CNTN5: variants seen among roughly 807,000 people sequenced by gnomAD.
The protein encoded by CNTN5 is contactin 5, also known as contactin-5.
Under a neutral mutation model 129.1 loss-of-function variants are expected in CNTN5, and 77 were observed. The observed-to-expected ratio is 0.60, with a 90% CI of 0.50 to 0.72. The LOEUF is 0.72. Ranked by LOEUF, CNTN5 falls within the 30% of genes least tolerant of loss-of-function variation. The probability of loss-of-function intolerance (pLI) is 0.00; values close to 1 mark genes in which losing one functional copy is unlikely to be tolerated. For synonymous variants in CNTN5, 509 were observed against 465.6 expected (o/e 1.09, Z -1.20); for missense variants, 1,478 against 1,328.8 (o/e 1.11, Z -1.75).
chr11:99,710,467 G>C (rs1273677838), intron 3 of CNTN5, among the ~76,000 whole-genome samples: 1 of 151,814 alleles, frequency 6.6e-6, no homozygotes, highest in African/African-American at 2.4e-5. Context: ...ATCTGAATCT[G>C]TTGGAAACAA....
intron 3 of CNTN5, among the ~76,000 whole-genome samples, chr11:99,795,775 T>C (rs1454563483): frequency 1.3e-5 from 2 of 152,160 alleles, no homozygotes; most frequent in African/African-American, 4.8e-5. Flanking sequence ...GGCTCAGGAC[T>C]CCTGGGCTGC....
chr11:99,793,178 G>C (rs935172969), intron 3 of CNTN5, among the ~76,000 whole-genome samples: 1 of 151,788 alleles, frequency 6.6e-6, no homozygotes, highest in African/African-American at 2.4e-5. Context: ...TCCTGCCTCA[G>C]CCTCCCGAGT....
At chr11:100,030,321 A>T (rs1044159250) in intron 9 of CNTN5, among the ~76,000 whole-genome samples, 1 of 152,198 alleles carries the variant, frequency 6.6e-6, no homozygotes, top group Admixed American at 6.5e-5. Flanking sequence ...TTGAGGCTGC[A>T]GTGAGCTATT....
At chr11:99,027,286 T>C (rs1863149156) in intron 1 of CNTN5, among the ~76,000 whole-genome samples, 1 of 151,584 alleles carries the variant, frequency 6.6e-6, no homozygotes, top group African/African-American at 2.4e-5. Flanking sequence ...AATAAATGTT[T>C]AATGGAAGCC....
At chr11:99,776,131 T>C (rs532837826) in intron 3 of CNTN5, among the ~76,000 whole-genome samples, 1 of 151,748 alleles carries the variant, frequency 6.6e-6, no homozygotes, top group Non-Finnish European at 1.5e-5. Context: ...AAACACTCTG[T>C]GCTAGGCATT....
chr11:99,522,393 AT>A (rs1162650010), intron 2 of CNTN5, among the ~76,000 whole-genome samples: 1 of 152,178 alleles, frequency 6.6e-6, no homozygotes, highest in Non-Finnish European at 1.5e-5. Flanking sequence ...GGTTATTTTA[AT>A]AACAAGTCTA....
intron 13 of CNTN5, among the ~76,000 whole-genome samples, chr11:100,090,196 A>G (rs1372062346): frequency 3.3e-5 from 5 of 152,248 alleles, no homozygotes; most frequent in African/African-American, 1.2e-4. Context: ...GAAAGAACAT[A>G]TCTCAAAACA....
chr11:99,894,640 A>G (rs769705807), intron 6 of CNTN5, among the ~76,000 whole-genome samples: 15 of 152,164 alleles, frequency 9.9e-5, no homozygotes, highest in Non-Finnish European at 1.9e-4. Context: ...TGAGAACTAA[A>G]TATTTATAAA....
chr11:100,148,487 G>GCACT (rs1200719594), intron 13 of CNTN5, among the ~76,000 whole-genome samples: 3 of 152,090 alleles, frequency 2.0e-5, no homozygotes, highest in East Asian at 3.9e-4. Flanking sequence ...AGTATGCAGG[G>GCACT]CACTCACTGT....
intron 3 of CNTN5, among the ~76,000 whole-genome samples, chr11:99,764,450 CT>C (rs1944686731): frequency 6.6e-6 from 1 of 152,026 alleles, no homozygotes; most frequent in South Asian, 2.1e-4. Flanking sequence ...AGTTTCACTC[CT>C]GTTGTCCAGG....
At chr11:99,245,970 G>C (rs1861793898) in intron 1 of CNTN5, among the ~76,000 whole-genome samples, 1 of 152,136 alleles carries the variant, frequency 6.6e-6, no homozygotes, top group African/African-American at 2.4e-5. Flanking sequence ...TGATCTAAGG[G>C]ATCTGAATGG....
intron 1 of CNTN5, among the ~76,000 whole-genome samples, chr11:99,177,373 C>G (rs1351459926): frequency 1.3e-5 from 2 of 152,110 alleles, no homozygotes; most frequent in African/African-American, 4.8e-5. Context: ...GGTTGACACC[C>G]AGTAAATATT....
intron 7 of CNTN5, among the ~76,000 whole-genome samples, chr11:99,934,459 A>G (rs12365053): frequency 0.064 from 9,682 of 152,292 alleles, 390 homozygotes; most frequent in Non-Finnish European, 0.092. Flanking sequence ...GATAAAAGCA[A>G]TCAATATATA....
chr11:99,842,877 T>C (rs1453813249), intron 4 of CNTN5, among the ~76,000 whole-genome samples: 1 of 152,182 alleles, frequency 6.6e-6, no homozygotes, highest in Non-Finnish European at 1.5e-5. Flanking sequence ...AGCAATATAA[T>C]TTGGTACAGT....
chr11:99,699,403 ACTTT>A (rs1397460693), intron 3 of CNTN5, among the ~76,000 whole-genome samples: 1 of 151,562 alleles, frequency 6.6e-6, no homozygotes, highest in Non-Finnish European at 1.5e-5. Flanking sequence ...CAGTAAAATA[ACTTT>A]CTTTATAACA....
At chr11:99,596,740 T>C (rs1449770740) in intron 3 of CNTN5, among the ~76,000 whole-genome samples, 1 of 152,170 alleles carries the variant, frequency 6.6e-6, no homozygotes, top group Non-Finnish European at 1.5e-5. Flanking sequence ...ACTACTGGAA[T>C]ACTTGAAGTT....
chr11:100,328,052 T>G (rs1385508106), intron 21 of CNTN5, among the ~76,000 whole-genome samples: 1 of 151,984 alleles, frequency 6.6e-6, no homozygotes, highest in Non-Finnish European at 1.5e-5. Flanking sequence ...AGTTGTATTT[T>G]TAAAACCTAA....
chr11:100,011,866 G>T (rs1940556163), intron 9 of CNTN5, among the ~76,000 whole-genome samples: 1 of 152,062 alleles, frequency 6.6e-6, no homozygotes, highest in Non-Finnish European at 1.5e-5. Flanking sequence ...GTGTCCCATT[G>T]TAACTGTGAG....
At chr11:100,324,790 C>T (rs1951757845) in intron 21 of CNTN5, among the ~76,000 whole-genome samples, 1 of 152,114 alleles carries the variant, frequency 6.6e-6, no homozygotes, top group South Asian at 2.1e-4. Flanking sequence ...TATGTTTCTT[C>T]TGCATTTTAA....
Sources: gnomAD v4.1 joint callset for allele counts (sites outside exome capture counted in the v4.1 genomes callset) on GRCh38, gnomAD v4.1.1 for gene constraint, MANE v1.5 for transcripts, NCBI Gene and HGNC (gene_info 2026-07-23, HGNC 2026-07-21) for gene names.